The following IKZF3 variants were observed in gnomAD, a reference collection of about 807,000 sequenced individuals.
The protein encoded by IKZF3 is IKAROS family zinc finger 3.
A neutral mutation model predicts 49.0 loss-of-function variants in IKZF3; 10 were observed. The observed-to-expected ratio is 0.20, with a 90% CI of 0.13 to 0.35. The LOEUF is 0.35. Ranked by LOEUF, IKZF3 falls within the 10% of genes least tolerant of loss-of-function variation. The probability of loss-of-function intolerance (pLI) is 1.00; values close to 1 mark genes in which losing one functional copy is unlikely to be tolerated. For missense variants in IKZF3, 498 were observed against 664.8 expected, an observed-to-expected ratio of 0.75 and a Z score of 2.76; for synonymous variants, 209 against 228.2, an observed-to-expected ratio of 0.92 and a Z score of 0.76.
At chr17:39,841,519 C>A (rs9908694) in intron 1 of IKZF3, among the ~76,000 whole-genome samples, 1 of 151,924 alleles carries the variant, frequency 6.6e-6, no homozygotes, top group Non-Finnish European at 1.5e-5. Flanking sequence ...GGCCACAGTA[C>A]GGGATTATCA....
At chr17:39,801,289 T>G (rs2061309994) in intron 3 of IKZF3, among the ~76,000 whole-genome samples, 1 of 151,000 alleles carries the variant, frequency 6.6e-6, no homozygotes, top group South Asian at 2.1e-4. Context: ...GCCACTGATT[T>G]GCTATGCCAA....
chr17:39,861,164 A>G (rs1055918018), intron 1 of IKZF3, among the ~76,000 whole-genome samples: 1 of 152,222 alleles, frequency 6.6e-6, no homozygotes, highest in African/African-American at 2.4e-5. Context: ...AAAACAAGAC[A>G]CAGTCTCTGT....
At chr17:39,781,430 C>T (rs1379459374) in intron 6 of IKZF3, among the ~76,000 whole-genome samples, 1 of 152,014 alleles carries the variant, frequency 6.6e-6, no homozygotes, top group Non-Finnish European at 1.5e-5. Context: ...TAGTTATCAA[C>T]AAAAAGATTT....
Position 39,780,222 on chromosome 17 carries a change from G to A in IKZF3, c.710-2455C>T, listed in dbSNP as rs552390027. ...TTAGTGCCAGTGCACTCCAGCCTGCGTGACAGAGTGAGACTCTGTCTAAAA... is the reference window on the plus strand; with the variant it reads ...TTAGTGCCAGTGCACTCCAGCCTGCATGACAGAGTGAGACTCTGTCTAAAA... On this transcript the variant is annotated intron_variant, in intron 6 of 7. Transcript: ENST00000346872. Among the ~76,000 whole-genome samples the A allele has an allele frequency of 2.5e-3, 362 of 145,674 alleles. 2 individuals carry two copies. Among genetic ancestry groups the A allele is most frequent in the African/African-American group, 9.2e-3 (350 of 38,148 alleles).
chr17:39,808,926 G>A lies in IKZF3; in HGVS notation c.164-15993C>T, dbSNP rs560141175. ...GGGAGGTATGACCACAGCCTAGGCT[G>A]ACTTAACAGAAGTTAACAAAGAGCC... On this transcript the variant is annotated intron_variant, in intron 3 of 7. Coordinates refer to ENST00000346872, the MANE Select transcript of IKZF3 (RefSeq NM_012481.5). 9.1e-4 allele frequency among the ~76,000 whole-genome samples: 138 copies of A among 152,334 alleles called. No homozygotes were observed. In the Middle Eastern group the frequency reaches 0.01, roughly 11 times the overall value.
chr17:39,863,050 C>T (rs923255673), intron 1 of IKZF3, among the ~76,000 whole-genome samples: 2 of 152,004 alleles, frequency 1.3e-5, no homozygotes, highest in African/African-American at 4.8e-5. Context: ...AGCATATGAG[C>T]TTTTCAAAAA....
chr17:39,831,631 G>A (rs1191125049), intron 2 of IKZF3, among the ~76,000 whole-genome samples: 1 of 152,030 alleles, frequency 6.6e-6, no homozygotes, highest in Non-Finnish European at 1.5e-5. Flanking sequence ...CCAAGAGGTA[G>A]GAATGGTTTT....
intron 1 of IKZF3, among the ~76,000 whole-genome samples, chr17:39,855,980 A>G (rs903094028): frequency 5.9e-5 from 9 of 151,292 alleles, no homozygotes; most frequent in Admixed American, 4.6e-4. Flanking sequence ...TATGTACAAT[A>G]TAACATGTAT....
At chr17:39,814,951 T>A (rs556747427) in intron 3 of IKZF3, among the ~76,000 whole-genome samples, 1 of 152,218 alleles carries the variant, frequency 6.6e-6, no homozygotes, top group South Asian at 2.1e-4. Flanking sequence ...TGTTGATGGG[T>A]ATCGAGGTAT....
intron 1 of IKZF3, among the ~76,000 whole-genome samples, chr17:39,840,604 C>G (rs185103454): frequency 2.9e-3 from 436 of 152,200 alleles, no homozygotes; most frequent in African/African-American, 9.8e-3. Flanking sequence ...GGTCATATTC[C>G]AATTTTTAGT....
chr17:39,790,688 T>C (rs544885023), intron 5 of IKZF3, among the ~76,000 whole-genome samples: 74 of 152,090 alleles, frequency 4.9e-4, no homozygotes, highest in African/African-American at 1.8e-3. Flanking sequence ...TTGGTCAAAA[T>C]AAGGAGTAAA....
At chr17:39,837,164 G>T (rs1045410256) in intron 1 of IKZF3, among the ~76,000 whole-genome samples, 1 of 151,950 alleles carries the variant, frequency 6.6e-6, no homozygotes, top group Non-Finnish European at 1.5e-5. Flanking sequence ...CAAACTCCTG[G>T]GCTCAAATGA....
Position 39,777,699 on chromosome 17 carries a change from C to T in IKZF3, c.778G>A (p.Ala260Thr). The change falls in exon 7 of 8, where the codon GCA becomes ACA. Residue 260 changes from alanine to threonine, a missense_variant. Ala to Thr is a moderately conservative substitution (Grantham distance 58). Transcript: ENST00000346872. ...SERALVLDRL[A>T]SNVAKRKSSM... ...CTTTTTCGTTTTGCCACATTGCTTGCTAATCTGTCCAGTACGAGAGCTCTT... is the reference window on the plus strand; with the variant it reads ...CTTTTTCGTTTTGCCACATTGCTTGTTAATCTGTCCAGTACGAGAGCTCTT... 6.2e-7 allele frequency: 1 copy of T among 1,613,870 alleles called. No homozygotes were observed.
chr17:39,808,534 TCTCA>T (rs2061484057), intron 3 of IKZF3, among the ~76,000 whole-genome samples: 2 of 152,332 alleles, frequency 1.3e-5, no homozygotes, highest in Non-Finnish European at 2.9e-5. Context: ...GACCATACTG[TCTCA>T]CTTTCTGTTC....
rs1040235785 is a variant in IKZF3, at chr17:39,758,630, G to C, written c.*7160C>G. The stretch of plus-strand genomic sequence containing the variant: ...AAATAACTCAAGTTTTGGAGCAGCG[G>C]GGGGTGGGGTACTAATGGCTGAGGA... On this transcript the variant is annotated 3_prime_UTR_variant, in exon 8 of 8. Transcript: ENST00000346872. The C allele has an allele frequency of 2.6e-5, 4 of 151,860 alleles. No individual in the cohort carries two copies. The highest frequency in any genetic ancestry group is 5.9e-5 in the Non-Finnish European group (4 of 68,002). The allele number at this position is 151,860 out of a possible 1,614,324, so 9.4% of individuals were successfully genotyped here.
At chr17:39,768,510 G>A (rs1270002819) in intron 7 of IKZF3, among the ~76,000 whole-genome samples, 1 of 152,218 alleles carries the variant, frequency 6.6e-6, no homozygotes, top group Non-Finnish European at 1.5e-5. Flanking sequence ...AGGGCAGTGT[G>A]GTGGTTGAGA....
Position 39,772,640 on chromosome 17 carries a change from G to A in IKZF3, c.826+5011C>T, listed in dbSNP as rs532169203. Among the ~76,000 whole-genome samples, 4 of 152,236 alleles carry A rather than the reference G, an allele frequency of 2.6e-5. No individual in the cohort carries two copies. In the Middle Eastern group the frequency reaches 0.014, roughly 518 times the overall value. On this transcript the variant is annotated intron_variant, in intron 7 of 7. Transcript: ENST00000346872. The stretch of plus-strand genomic sequence containing the variant: ...GAGAGAGCTGTGGGGGTGGCACTGG[G>A]GAAAGCTGAGCTGGAGACCACATTT...
At chr17:39,774,235 A>G (rs997232102) in intron 7 of IKZF3, among the ~76,000 whole-genome samples, 12 of 152,118 alleles carry the variant, frequency 7.9e-5, no homozygotes, top group Non-Finnish European at 1.0e-4. Flanking sequence ...GTGCTGTGCA[A>G]CTGTCAGCAA....
In IKZF3 at chr17:39,758,670, G is replaced by C. The variant is rs1225554038; in HGVS notation, c.*7120C>G. 6.6e-6 allele frequency: 1 copy of C among 151,674 alleles called. No individual in the cohort carries two copies. Among genetic ancestry groups the C allele is most frequent in the Non-Finnish European group, 1.5e-5 (1 of 67,972 alleles). The allele number at this position is 151,674 out of a possible 1,614,324, so 9.4% of individuals were successfully genotyped here. ...ATGGCTGAGGACTCACAGACAGTGA[G>C]GGAGCAAAGCGCTTTGACTTCCCTG... On this transcript the variant is annotated 3_prime_UTR_variant, in exon 8 of 8. Transcript: ENST00000346872.
Sources: allele counts gnomAD v4.1 joint callset (sites outside exome capture counted in the v4.1 genomes callset), GRCh38; gene constraint gnomAD v4.1.1; transcripts MANE v1.5; gene names NCBI Gene and HGNC (gene_info 2026-07-23, HGNC 2026-07-21).